Variants in ABCD3 observed in about 807,000 individuals in gnomAD.
The protein encoded by ABCD3 is ATP binding cassette subfamily D member 3.
ABCD3 carries 41 observed loss-of-function variants against 105.5 expected under a neutral mutation model. That is an observed-to-expected ratio of 0.39 (90% CI 0.30 to 0.50). ABCD3 has a LOEUF of 0.50. Ranked by LOEUF, ABCD3 falls within the 20% of genes least tolerant of loss-of-function variation. The pLI, the probability that ABCD3 is intolerant of heterozygous loss-of-function variation, is 0.84. For missense variants in ABCD3, 622 were observed against 806.3 expected (o/e 0.77, Z 2.77); for synonymous variants, 258 against 269.0 (o/e 0.96, Z 0.40).
the ABCD3 span, among the ~76,000 whole-genome samples, chr1:94,400,816 C>G: frequency 6.6e-6 from 1 of 152,180 alleles, no homozygotes; most frequent in Non-Finnish European, 1.5e-5. Flanking sequence ...GTTTGAATGT[C>G]CCTTCCAAAA....
the ABCD3 span, among the ~76,000 whole-genome samples, chr1:94,405,702 A>G: frequency 1.3e-5 from 2 of 152,192 alleles, no homozygotes; most frequent in Non-Finnish European, 2.9e-5. Context: ...ACATCTTCCA[A>G]CGTGTTTAAA....
chr1:94,434,626 G>A (rs1659829274), intron 1 of ABCD3, among the ~76,000 whole-genome samples: 1 of 152,108 alleles, frequency 6.6e-6, no homozygotes, highest in African/African-American at 2.4e-5. Context: ...ATTTTTCACT[G>A]AAATGTTATG....
intron 1 of ABCD3, among the ~76,000 whole-genome samples, chr1:94,453,410 C>T (rs1246021946): frequency 6.6e-6 from 1 of 151,480 alleles, no homozygotes; most frequent in Non-Finnish European, 1.5e-5. Flanking sequence ...GCTCCGCCTC[C>T]CGGGTTCACG....
chr1:94,501,890 C>G (rs1258283885), intron 20 of ABCD3, among the ~76,000 whole-genome samples: 1 of 146,008 alleles, frequency 6.8e-6, no homozygotes, highest in Non-Finnish European at 1.5e-5. Context: ...TTTTTTTTAC[C>G]TTAAATTAGC....
At chr1:94,404,406 T>G in the ABCD3 span, among the ~76,000 whole-genome samples, 4 of 152,196 alleles carry the variant, frequency 2.6e-5, no homozygotes, top group African/African-American at 7.2e-5. Flanking sequence ...CTTCCTTCTT[T>G]CCTCTCTTCC....
intron 1 of ABCD3, among the ~76,000 whole-genome samples, chr1:94,451,521 A>C (rs1293332306): frequency 6.6e-6 from 1 of 152,182 alleles, no homozygotes; most frequent in Non-Finnish European, 1.5e-5. Flanking sequence ...AACAACACTC[A>C]CGTTTCAGAT....
the ABCD3 span, among the ~76,000 whole-genome samples, chr1:94,392,096 C>T: frequency 6.6e-6 from 1 of 152,166 alleles, no homozygotes; most frequent in Admixed American, 6.5e-5. Context: ...TGCCTTCAGA[C>T]CCTATTCTCC....
chr1:94,487,763 T>G lies in ABCD3; in HGVS notation c.1037T>G (p.Leu346Arg). Residue 346 changes from leucine (L) to arginine (R), a missense_variant, in exon 12 of 23, where the codon CTC (leucine) becomes CGC (arginine). Coordinates refer to ENST00000370214, the MANE Select transcript of ABCD3 (RefSeq NM_002858.4). ...TTAGATTTGTCTCATCCTCGACATC[T>G]CAAGAGTACACATTCGGAACTTCTA... ...PFLDLSHPRHLKSTHSELLED... is the reference protein window; with the variant it reads ...PFLDLSHPRHRKSTHSELLED... The G allele has an allele frequency of 6.2e-7, 1 of 1,614,026 alleles. No homozygotes were observed. Among genetic ancestry groups the G allele is most frequent in the Non-Finnish European group, 8.5e-7 (1 of 1,179,934 alleles).
upstream of ABCD3, among the ~76,000 whole-genome samples, chr1:94,415,697 A>G (rs1658986920): frequency 6.6e-6 from 1 of 152,228 alleles, no homozygotes; most frequent in South Asian, 2.1e-4. Context: ...TCTTAAATGT[A>G]TGTTTCTAAG....
chr1:94,392,133 A>G, the ABCD3 span, among the ~76,000 whole-genome samples: 2 of 152,214 alleles, frequency 1.3e-5, no homozygotes, highest in Non-Finnish European at 2.9e-5. Flanking sequence ...AATGCTATTT[A>G]AAAACATTTC....
At chr1:94,486,060 C>T (rs1014083782) in intron 10 of ABCD3, among the ~76,000 whole-genome samples, 6 of 151,888 alleles carry the variant, frequency 4.0e-5, no homozygotes, top group Non-Finnish European at 7.4e-5. Context: ...GTTGTTGTGG[C>T]GGGGGCCTAT....
intron 1 of ABCD3, among the ~76,000 whole-genome samples, chr1:94,425,213 A>G (rs557168065): frequency 6.6e-6 from 1 of 152,318 alleles, no homozygotes; most frequent in Non-Finnish European, 1.5e-5. Flanking sequence ...GAAAATTAAA[A>G]ATCATCCATA....
At chr1:94,425,081 A>T (rs1346574070) in intron 1 of ABCD3, among the ~76,000 whole-genome samples, 1 of 152,166 alleles carries the variant, frequency 6.6e-6, no homozygotes, top group Non-Finnish European at 1.5e-5. Context: ...TGAGCTCTTT[A>T]GGAGCTGGAC....
chr1:94,488,179 C>G (rs955428702), intron 13 of ABCD3, among the ~76,000 whole-genome samples, 196 bp downstream of exon 13: 1 of 152,096 alleles, frequency 6.6e-6, no homozygotes, highest in African/African-American at 2.4e-5. Flanking sequence ...TTGCGCAGTA[C>G]AGTAGATTAG....
chr1:94,496,762 C>T (rs1395701661), intron 16 of ABCD3, among the ~76,000 whole-genome samples: 2 of 54,568 alleles, frequency 3.7e-5, no homozygotes, highest in Admixed American at 3.1e-4. Context: ...TGCCTTTGTA[C>T]CAGCAAATTT....
At chr1:94,469,478 T>C (rs944386684) in intron 4 of ABCD3, among the ~76,000 whole-genome samples, 18 of 144,632 alleles carry the variant, frequency 1.2e-4, no homozygotes, top group Admixed American at 1.1e-3. Flanking sequence ...TTGGCAGTTA[T>C]TTGTGCACAT....
chr1:94,480,156 A>T (rs1648968145), intron 8 of ABCD3: 2 of 369,894 alleles, frequency 5.4e-6, no homozygotes, highest in African/African-American at 4.1e-5. Context: ...ATTATCAAGA[A>T]GAGTTCCAAC....
chr1:94,505,617 C>G (rs1650315525), intron 20 of ABCD3, among the ~76,000 whole-genome samples: 1 of 151,988 alleles, frequency 6.6e-6, no homozygotes, highest in African/African-American at 2.4e-5. Context: ...TGGATGAGAT[C>G]ACTGACAGAA....
intron 4 of ABCD3, among the ~76,000 whole-genome samples, 152 bp from the exon 5 acceptor site, chr1:94,473,613 GT>G (rs1433734485): frequency 2.6e-5 from 4 of 151,922 alleles, no homozygotes; most frequent in Non-Finnish European, 5.9e-5. Context: ...TTGCAAACAT[GT>G]TTTTGCAAAA....
Sources: allele counts gnomAD v4.1 joint callset (sites outside exome capture counted in the v4.1 genomes callset), GRCh38; gene constraint gnomAD v4.1.1; transcripts MANE v1.5; gene names NCBI Gene and HGNC (gene_info 2026-07-23, HGNC 2026-07-21).